Variants in FHIT observed in about 807,000 individuals in gnomAD.
FHIT encodes bis(5'-adenosyl)-triphosphatase.
Under a neutral mutation model 17.9 loss-of-function variants are expected in FHIT, and 19 were observed. That is an observed-to-expected ratio of 1.06 (90% CI 0.74 to 1.56). FHIT has a LOEUF of 1.56. FHIT is among the 40% of genes most tolerant of loss of function. The pLI, the probability that FHIT is intolerant of heterozygous loss-of-function variation, is 0.00. For synonymous variants in FHIT, 81 were observed against 69.7 expected, an observed-to-expected ratio of 1.16 and a Z score of -0.81; for missense variants, 248 against 189.2, an observed-to-expected ratio of 1.31 and a Z score of -1.82.
intron 3 of FHIT, among the ~76,000 whole-genome samples, chr3:61,023,383 A>ATTTT (rs1056654446): frequency 6.6e-6 from 1 of 152,228 alleles, no homozygotes; most frequent in Non-Finnish European, 1.5e-5. Flanking sequence ...GCTCATGGAT[A>ATTTT]GGAAAAATCA....
intron 4 of FHIT, among the ~76,000 whole-genome samples, chr3:60,726,848 T>C (rs943227010): frequency 5.9e-5 from 9 of 152,058 alleles, no homozygotes. Flanking sequence ...CCCTGTAGTC[T>C]ATGTTTGTCC....
At chr3:60,495,397 T>C (rs2034259772) in intron 5 of FHIT, among the ~76,000 whole-genome samples, 1 of 152,210 alleles carries the variant, frequency 6.6e-6, no homozygotes, top group Non-Finnish European at 1.5e-5. Context: ...TCTATTTTTC[T>C]TTTCCCAAAA....
rs190632033 is a variant in FHIT at position 60,866,064 on chromosome 3, A to G, written c.-110-44053T>C. On this transcript the variant is annotated intron_variant, in intron 3 of 9. Transcript: ENST00000492590. The stretch of plus-strand genomic sequence containing the variant: ...AGGCCCTGAATCAGAGATGCCTGTC[A>G]TCTGTTCCCAAAGGCTCCAAACTCC... 5.3e-5 allele frequency among the ~76,000 whole-genome samples: 8 copies of G among 152,288 alleles called. No homozygotes were observed. The South Asian group carries it at 1.7e-3, about 32-fold the overall frequency.
intron 8 of FHIT, among the ~76,000 whole-genome samples, chr3:59,803,574 T>C (rs936418864): frequency 6.6e-6 from 1 of 152,178 alleles, no homozygotes; most frequent in African/African-American, 2.4e-5. Flanking sequence ...TGGAAAGATG[T>C]CAGGCTTTTA....
intron 4 of FHIT, among the ~76,000 whole-genome samples, chr3:60,709,739 CA>C (rs2041468863): frequency 1.3e-5 from 2 of 152,276 alleles, no homozygotes; most frequent in African/African-American, 4.8e-5. Flanking sequence ...GGGAAGCTGT[CA>C]AGCTCATGGT....
chr3:60,156,349 CAAAA>C (rs531763537), intron 5 of FHIT, among the ~76,000 whole-genome samples: 3 of 106,460 alleles, frequency 2.8e-5, no homozygotes, highest in Non-Finnish European at 4.1e-5. Context: ...GACTCTGTCT[CAAAA>C]AAAAAAAAAA....
intron 9 of FHIT, chr3:59,750,669 GTACAACACCATA>G (rs537173254): frequency 7.3e-4 from 161 of 220,080 alleles, no homozygotes; most frequent in African/African-American, 3.4e-3. Flanking sequence ...AAGGATCTGA[GTACAACACCATA>G]TTTGAACAAC....
chr3:60,763,789 G>C (rs1699749478), intron 4 of FHIT, among the ~76,000 whole-genome samples: 1 of 152,080 alleles, frequency 6.6e-6, no homozygotes. Context: ...CTCTTGTCAG[G>C]GATAACATTT....
intron 5 of FHIT, among the ~76,000 whole-genome samples, chr3:60,431,627 G>C (rs1702909063): frequency 6.6e-6 from 1 of 151,964 alleles, no homozygotes; most frequent in Non-Finnish European, 1.5e-5. Context: ...GTTCTATCTT[G>C]TCCTCGGCTA....
rs150410953 is a variant in FHIT at position 60,749,797 on chromosome 3, G to A, written c.-18+72122C>T. ...CATAACTTGAAGCCATAGTAAATGT[G>A]GGTATATCTCCAAGGATTAAGGAAT... On this transcript the variant is annotated intron_variant, in intron 4 of 9. Transcript: ENST00000492590. Among the ~76,000 whole-genome samples, 409 of 152,226 alleles carry A rather than the reference G, an allele frequency of 2.7e-3. 3 individuals carry two copies. The highest frequency in any genetic ancestry group is 9.2e-3 in the African/African-American group (382 of 41,536).
chr3:60,424,408 G>C (rs1702586774), intron 5 of FHIT, among the ~76,000 whole-genome samples: 1 of 152,116 alleles, frequency 6.6e-6, no homozygotes, highest in Non-Finnish European at 1.5e-5. Context: ...TTTTCAAAGA[G>C]AAACAAAAGT....
chr3:60,313,557 A>G (rs955329932), intron 5 of FHIT, among the ~76,000 whole-genome samples: 5 of 152,218 alleles, frequency 3.3e-5, no homozygotes, highest in African/African-American at 7.2e-5. Context: ...GTTGTCACGT[A>G]AAGTGCAAAC....
At chr3:60,252,260 T>C (rs1705748589) in intron 5 of FHIT, among the ~76,000 whole-genome samples, 1 of 152,100 alleles carries the variant, frequency 6.6e-6, no homozygotes, top group Non-Finnish European at 1.5e-5. Flanking sequence ...TGCTTTATAT[T>C]GGACATTAAC....
intron 2 of FHIT, among the ~76,000 whole-genome samples, chr3:61,196,894 T>C (rs1382319786): frequency 6.6e-6 from 1 of 152,174 alleles, no homozygotes; most frequent in Non-Finnish European, 1.5e-5. Flanking sequence ...TTCCCAGGTC[T>C]TCATCCAGTT....
chr3:61,221,154 T>C (rs370494786), intron 1 of FHIT, among the ~76,000 whole-genome samples: 2 of 152,218 alleles, frequency 1.3e-5, no homozygotes, highest in East Asian at 3.8e-4. Flanking sequence ...GGGTAAGCAG[T>C]AAATTGTGCC....
intron 5 of FHIT, among the ~76,000 whole-genome samples, chr3:60,065,838 C>T (rs553719759): frequency 1.7e-4 from 26 of 152,234 alleles, no homozygotes; most frequent in Middle Eastern, 3.4e-3. Flanking sequence ...GGGGAATACT[C>T]GGGGGAAGCA....
At chr3:60,188,518 A>C (rs2107460698) in intron 5 of FHIT, among the ~76,000 whole-genome samples, 1 of 152,240 alleles carries the variant, frequency 6.6e-6, no homozygotes, top group South Asian at 2.1e-4. Context: ...CTTGCCTCAA[A>C]CAAGAAACCA....
At chr3:60,536,687 T>C in intron 5 of FHIT, 173 bp downstream of exon 5, 1 of 574,356 alleles carries the variant, frequency 1.7e-6, no homozygotes, top group Non-Finnish European at 2.8e-6. Context: ...ACCAACTGGA[T>C]TCAGAATAAA....
chr3:60,147,154 C>A (rs1700276315), intron 5 of FHIT, among the ~76,000 whole-genome samples: 1 of 152,092 alleles, frequency 6.6e-6, no homozygotes. Context: ...ATAGTACTCA[C>A]AAAAGGGTAT....
Sources: gnomAD v4.1 joint callset for allele counts (sites outside exome capture counted in the v4.1 genomes callset) on GRCh38, gnomAD v4.1.1 for gene constraint, MANE v1.5 for transcripts, NCBI Gene and HGNC (gene_info 2026-07-23, HGNC 2026-07-21) for gene names.